Variants in DYNC2H1 observed in about 807,000 individuals in gnomAD.
DYNC2H1 encodes the protein dynein cytoplasmic 2 heavy chain 1.
Under a neutral mutation model 570.0 loss-of-function variants are expected in DYNC2H1, and 410 were observed. The observed-to-expected ratio is 0.72, with a 90% CI of 0.66 to 0.78. DYNC2H1 has a LOEUF of 0.78. Ranked by LOEUF, DYNC2H1 falls within the 30% of genes least tolerant of loss-of-function variation. The pLI is 0.00. For missense variants in DYNC2H1, 4,865 were observed against 5,046.4 expected (o/e 0.96, Z 1.09); for synonymous variants, 1,688 against 1,677.6 (o/e 1.01, Z -0.15).
chr11:103,313,385 T>G (rs1867683840), intron 79 of DYNC2H1, among the ~76,000 whole-genome samples: 1 of 152,214 alleles, frequency 6.6e-6, no homozygotes, highest in African/African-American at 2.4e-5. Context: ...TAATGGTCAA[T>G]TCTTCTTGCC....
At chr11:103,150,181 T>C (rs915164343) in intron 20 of DYNC2H1, among the ~76,000 whole-genome samples, 2 of 152,166 alleles carry the variant, frequency 1.3e-5, no homozygotes, top group Non-Finnish European at 2.9e-5. Flanking sequence ...AAGAAGTTCG[T>C]ATTTTATTCT....
At chr11:103,284,493 GA>G in intron 73 of DYNC2H1, among the ~76,000 whole-genome samples, 1 of 152,130 alleles carries the variant, frequency 6.6e-6, no homozygotes, top group Non-Finnish European at 1.5e-5. Flanking sequence ...CATAATGGTT[GA>G]CAGTATACAA....
intron 88 of DYNC2H1, 144 bp from the exon 89 acceptor site, chr11:103,478,951 G>C (rs1353995972): frequency 3.2e-6 from 3 of 934,866 alleles, no homozygotes; most frequent in Non-Finnish European, 3.1e-6. Flanking sequence ...GTTTCATTTT[G>C]TTGCAGGGGG....
At chr11:103,377,059 C>T (rs886504070) in intron 83 of DYNC2H1, among the ~76,000 whole-genome samples, 1 of 152,094 alleles carries the variant, frequency 6.6e-6, no homozygotes, top group Admixed American at 6.6e-5. Context: ...ATTATTCGTC[C>T]TTGACTTTTG....
At position 103,171,180 on chromosome 11, in the gene DYNC2H1, T is replaced by C; in HGVS notation, c.5334+112T>C. 4 of 982,756 alleles carry C rather than the reference T, an allele frequency of 4.1e-6. No homozygotes were observed. The East Asian group carries it at 1.2e-4, about 30-fold the overall frequency. The allele number at this position is 982,756 out of a possible 1,614,324, so 60.9% of individuals were successfully genotyped here. On this transcript the variant is annotated intron_variant, in intron 34 of 88. Coordinates refer to ENST00000375735, the MANE Select transcript of DYNC2H1 (RefSeq NM_001377.3). ...TCTCCTGACATCCGTGTTTCTAATCTGTAACCTGTGTTGTAAGATTTTTTT... is the reference window on the plus strand; with the variant it reads ...TCTCCTGACATCCGTGTTTCTAATCCGTAACCTGTGTTGTAAGATTTTTTT...
Position 103,257,674 on chromosome 11 carries a change from T to C in DYNC2H1, c.10528T>C (p.Ser3510Pro), listed in dbSNP as rs769400752. The change falls in exon 69 of 89, where the codon TCC becomes CCC. Residue 3510 changes from serine to proline, a missense_variant. Physicochemically the swap from Ser to Pro is moderately conservative, Grantham distance 74. Coordinates refer to ENST00000375735, the MANE Select transcript of DYNC2H1 (RefSeq NM_001377.3). ...GATGTACTTCATTATTTCTGATTTG[T>C]CCAAAATTAATAACATGTACCGTTT... is the stretch of plus-strand genomic sequence containing the variant. Reference protein sequence around the residue: ...SKMYFIISDLSKINNMYRFSL... With the variant: ...SKMYFIISDLPKINNMYRFSL... 6.2e-7 allele frequency: 1 copy of C among 1,613,216 alleles called. No homozygotes were observed. The highest frequency in any genetic ancestry group is 2.2e-5 in the East Asian group (1 of 44,846).
rs897690437 is a variant in DYNC2H1 at position 103,145,065 on chromosome 11, A to G, written c.2702+1670A>G. ...CTGGCTAATTTTTTGTATTTTTAGT[A>G]GAGGTGGGGTTTATTATGTTGGCCA... On this transcript the variant is annotated intron_variant, in intron 18 of 88. Transcript: ENST00000375735. The surrounding 1 kb of genome is among the most constrained non-coding windows in gnomAD (Gnocchi z 4.2). Among the ~76,000 whole-genome samples the G allele has an allele frequency of 1.3e-5, 2 of 151,876 alleles. No individual in the cohort carries two copies. Among genetic ancestry groups the G allele is most frequent in the Admixed American group, 1.3e-4 (2 of 15,240 alleles).
chr11:103,240,544 G>C (rs758990533), intron 63 of DYNC2H1, among the ~76,000 whole-genome samples: 1 of 152,008 alleles, frequency 6.6e-6, no homozygotes, highest in South Asian at 2.1e-4. Context: ...AACCCTGAAC[G>C]TCATTCTTAC....
At chr11:103,222,214 A>G in intron 58 of DYNC2H1, 61 bp downstream of exon 58, 1 of 1,217,852 alleles carries the variant, frequency 8.2e-7, no homozygotes, top group Non-Finnish European at 1.1e-6. Flanking sequence ...CTGCTTTTTA[A>G]AATGTGGTGC....
chr11:103,441,215 A>G (rs1016599081), intron 85 of DYNC2H1, among the ~76,000 whole-genome samples: 1 of 151,504 alleles, frequency 6.6e-6, no homozygotes, highest in South Asian at 2.1e-4. Flanking sequence ...CATGGCCTTT[A>G]CCCTTGCTGC....
At chr11:103,160,693 A>G (rs1486725945) in intron 28 of DYNC2H1, among the ~76,000 whole-genome samples, 1 of 152,016 alleles carries the variant, frequency 6.6e-6, no homozygotes, top group African/African-American at 2.4e-5. Flanking sequence ...CCTGTCACAT[A>G]TAGATAGATA....
Position 103,186,378 on chromosome 11 carries a change from G to A in DYNC2H1, c.6770G>A (p.Gly2257Asp). 1 of 1,612,800 alleles carries A rather than the reference G, an allele frequency of 6.2e-7. No individual in the cohort carries two copies. The highest frequency in any genetic ancestry group is 8.5e-7 in the Non-Finnish European group (1 of 1,179,154). Reference sequence around the variant, plus strand: ...TTGACTGCTGATGATTTCAGTAACGGCTTAACTCTTCCAGTCATTCAGACT... The same window carrying A: ...TTGACTGCTGATGATTTCAGTAACGACTTAACTCTTCCAGTCATTCAGACT... ...EDLTADDFSNGLTLPVIQTPD... is the reference protein window; with the variant it reads ...EDLTADDFSNDLTLPVIQTPD... The change falls in exon 42 of 89, where the codon GGC becomes GAC. Residue 2257 changes from glycine (G) to aspartate (D), a missense_variant. Physicochemically the swap from Gly to Asp is moderately conservative, Grantham distance 94 (BLOSUM62 -1). Transcript: ENST00000375735. The surrounding 1 kb of genome is among the most constrained non-coding windows in gnomAD (Gnocchi z 4.5).
At chr11:103,368,057 A>G (rs1362841507) in intron 83 of DYNC2H1, among the ~76,000 whole-genome samples, 1 of 152,112 alleles carries the variant, frequency 6.6e-6, no homozygotes, top group Non-Finnish European at 1.5e-5. Context: ...GTGTCTTGTA[A>G]ATAGTGCTAC....
chr11:103,136,498 A>G (rs1859562059), intron 17 of DYNC2H1, among the ~76,000 whole-genome samples: 2 of 151,448 alleles, frequency 1.3e-5, no homozygotes, highest in South Asian at 4.2e-4. Flanking sequence ...TTCTTGCGAT[A>G]GTTTACTGAG....
chr11:103,136,875 TC>T (rs1439929522), intron 17 of DYNC2H1, among the ~76,000 whole-genome samples: 1 of 152,084 alleles, frequency 6.6e-6, no homozygotes, highest in Non-Finnish European at 1.5e-5. Flanking sequence ...CTCCACATCC[TC>T]TCCAGCACCT....
intron 5 of DYNC2H1, among the ~76,000 whole-genome samples, chr11:103,117,331 A>T (rs1014185486): frequency 6.7e-6 from 1 of 149,586 alleles, no homozygotes; most frequent in Non-Finnish European, 1.5e-5. Flanking sequence ...CACAACGTGC[A>T]GGTTTGTTAC....
chr11:103,173,414 A>G (rs1468058075), intron 35 of DYNC2H1, 109 bp downstream of exon 35: 2 of 760,932 alleles, frequency 2.6e-6, no homozygotes, highest in African/African-American at 3.7e-5. Context: ...CATGATTTTT[A>G]TTCTGATGAT....
intron 59 of DYNC2H1, among the ~76,000 whole-genome samples, chr11:103,226,370 T>C (rs1274752969): frequency 2.0e-5 from 3 of 152,212 alleles, no homozygotes; most frequent in Non-Finnish European, 4.4e-5. Flanking sequence ...ATGGCTTTTA[T>C]TACCTTAAGG....
intron 84 of DYNC2H1, among the ~76,000 whole-genome samples, chr11:103,401,077 C>G (rs1174725230): frequency 2.6e-5 from 4 of 152,098 alleles, no homozygotes; most frequent in Non-Finnish European, 5.9e-5. Context: ...TTTCTAAAAA[C>G]TTTATTTAAT....
Sources: gnomAD v4.1 joint callset for allele counts (sites outside exome capture counted in the v4.1 genomes callset) on GRCh38, gnomAD v4.1.1 for gene constraint, Gnocchi (gnomAD v3.1) non-coding constraint, MANE v1.5 for transcripts, NCBI Gene and HGNC (gene_info 2026-07-23, HGNC 2026-07-21) for gene names.